VPS13B: variants seen among roughly 807,000 people sequenced by gnomAD.
VPS13B encodes the protein intermembrane lipid transfer protein VPS13B.
Under a neutral mutation model 426.4 loss-of-function variants are expected in VPS13B, and 285 were observed. The observed-to-expected ratio is 0.67, with a 90% CI of 0.61 to 0.74. VPS13B has a LOEUF of 0.74. VPS13B is among the 30% of genes least tolerant of loss of function. VPS13B has a pLI of 0.00. For synonymous variants in VPS13B, 1,676 were observed against 1,676.4 expected, an observed-to-expected ratio of 1.00 and a Z score of 0.01; for missense variants, 4,537 against 4,782.6, an observed-to-expected ratio of 0.95 and a Z score of 1.51.
intron 31 of VPS13B, among the ~76,000 whole-genome samples, chr8:99,563,568 G>T (rs747235736): frequency 6.6e-6 from 1 of 152,166 alleles, no homozygotes; most frequent in Non-Finnish European, 1.5e-5. Flanking sequence ...TATCGGTGGG[G>T]TTTCAGAGAA....
intron 35 of VPS13B, among the ~76,000 whole-genome samples, chr8:99,695,271 C>G (rs1831912234): frequency 6.8e-6 from 1 of 148,114 alleles, no homozygotes; most frequent in Non-Finnish European, 1.5e-5. Context: ...CGGCATTATT[C>G]ACAATAGCAA....
chr8:99,278,643 T>C (rs1295289201), intron 19 of VPS13B, among the ~76,000 whole-genome samples: 1 of 152,204 alleles, frequency 6.6e-6, no homozygotes, highest in Non-Finnish European at 1.5e-5. Context: ...GTTGGGCTGT[T>C]TATCATTTTC....
chr8:99,685,371 A>T (rs1249921237), intron 35 of VPS13B, among the ~76,000 whole-genome samples: 2 of 152,226 alleles, frequency 1.3e-5, no homozygotes. Flanking sequence ...AGGGTCTCAC[A>T]AAGCCAAAAT....
At chr8:99,273,792 CA>C (rs533708072) in intron 17 of VPS13B, among the ~76,000 whole-genome samples, 2 of 144,444 alleles carry the variant, frequency 1.4e-5, no homozygotes, top group Non-Finnish European at 3.0e-5. Flanking sequence ...GACTCTGTCT[CA>C]AAAAAAAATA....
At position 99,817,406 on chromosome 8, in the gene VPS13B, C is replaced by T; in HGVS notation, c.8098-134C>T. On this transcript the variant is annotated intron_variant, in intron 44 of 61. Coordinates refer to ENST00000357162, the MANE Select transcript of VPS13B (RefSeq NM_152564.5). ...TCTTGACTTCAAGTCTTTTTTCCTT[C>T]TTGTACTGTTTAAGCTAATTACTTC... 6 of 1,210,218 alleles carry T rather than the reference C, an allele frequency of 5.0e-6. No individual in the cohort carries two copies. In the Admixed American group the frequency reaches 9.5e-5, roughly 19 times the overall value. The allele number at this position is 1,210,218 out of a possible 1,614,324, so 75.0% of individuals were successfully genotyped here.
chr8:99,216,868 G>GA (rs1172246511), intron 17 of VPS13B, among the ~76,000 whole-genome samples: 4 of 151,978 alleles, frequency 2.6e-5, no homozygotes, highest in Non-Finnish European at 5.9e-5. Context: ...GTTAGTACAA[G>GA]ATTTTAAGTG....
chr8:99,141,819 C>T (rs530592253), intron 12 of VPS13B, among the ~76,000 whole-genome samples: 17 of 145,926 alleles, frequency 1.2e-4, no homozygotes, highest in East Asian at 4.0e-4. Context: ...CCGAGGTGGG[C>T]GGATCATGAG....
At chr8:99,607,852 AAC>A (rs1402955773) in intron 33 of VPS13B, among the ~76,000 whole-genome samples, 1 of 152,148 alleles carries the variant, frequency 6.6e-6, no homozygotes, top group Non-Finnish European at 1.5e-5. Flanking sequence ...AAACATAAAT[AAC>A]AGTCATATTT....
intron 21 of VPS13B, among the ~76,000 whole-genome samples, chr8:99,418,520 CTT>C (rs1588353536): frequency 2.5e-5 from 3 of 121,766 alleles, no homozygotes; most frequent in Non-Finnish European, 3.5e-5. Flanking sequence ...TCTTTCCTTT[CTT>C]TCTTTCTCTT....
At chr8:99,132,436 C>G (rs948607401) in intron 8 of VPS13B, among the ~76,000 whole-genome samples, 11 of 152,266 alleles carry the variant, frequency 7.2e-5, no homozygotes, top group African/African-American at 2.6e-4. Context: ...CCACCTAAGT[C>G]TTGAATACCT....
At chr8:99,585,557 A>C (rs975348756) in intron 33 of VPS13B, among the ~76,000 whole-genome samples, 1 of 152,190 alleles carries the variant, frequency 6.6e-6, no homozygotes, top group Non-Finnish European at 1.5e-5. Flanking sequence ...GTAAAGCACT[A>C]TATCGGTAGA....
intron 31 of VPS13B, among the ~76,000 whole-genome samples, chr8:99,573,855 A>T (rs1825618835): frequency 6.6e-6 from 1 of 152,146 alleles, no homozygotes; most frequent in Non-Finnish European, 1.5e-5. Flanking sequence ...TGGTAGCTTG[A>T]TGGGGATGGC....
At chr8:99,417,530 T>C (rs1816091068) in intron 21 of VPS13B, among the ~76,000 whole-genome samples, 1 of 152,188 alleles carries the variant, frequency 6.6e-6, no homozygotes, top group Non-Finnish European at 1.5e-5. Flanking sequence ...TTAGCTCATT[T>C]ACTCCCCTGT....
intron 17 of VPS13B, among the ~76,000 whole-genome samples, chr8:99,204,955 C>T (rs1325734346): frequency 6.6e-6 from 1 of 152,158 alleles, no homozygotes; most frequent in Admixed American, 6.5e-5. Context: ...GGCAATTCCT[C>T]AAGGATCTAG....
intron 19 of VPS13B, among the ~76,000 whole-genome samples, chr8:99,298,281 G>C (rs1467871500): frequency 2.0e-5 from 3 of 152,130 alleles, no homozygotes; most frequent in Admixed American, 6.5e-5. Flanking sequence ...CTGAGGTCAG[G>C]AGTTCGAGAC....
rs553662510 is a variant in VPS13B at position 99,294,607 on chromosome 8, G to T, written c.2824+19353G>T. ...GCATGGAGTGATATGGCATAGCTAA[G>T]ACAAGATCCCTGTTATATGAAGGAA... On this transcript the variant is annotated intron_variant, in intron 19 of 61. Transcript: ENST00000357162. Among the ~76,000 whole-genome samples, 13 of 151,980 alleles carry T rather than the reference G, an allele frequency of 8.6e-5. No individual in the cohort carries two copies. In the East Asian group the frequency reaches 2.3e-3, roughly 27 times the overall value.
In VPS13B at chr8:99,565,910, T is replaced by C. The variant is rs540215703; in HGVS notation, c.4949+9257T>C. 3.9e-5 allele frequency among the ~76,000 whole-genome samples: 6 copies of C among 152,312 alleles called. No homozygotes were observed. The South Asian group carries it at 1.2e-3, about 32-fold the overall frequency. On this transcript the variant is annotated intron_variant, in intron 31 of 61. Coordinates refer to ENST00000357162, the MANE Select transcript of VPS13B (RefSeq NM_152564.5). ...AAATCTAATTCTCATACTTTGTAGG[T>C]TAATGCCTAGATTGACCTAAACCTA...
At chr8:99,617,355 G>A (rs1189334459) in intron 33 of VPS13B, among the ~76,000 whole-genome samples, 1 of 152,180 alleles carries the variant, frequency 6.6e-6, no homozygotes, top group South Asian at 2.1e-4. Flanking sequence ...TTGAGACGGA[G>A]ACAGGCTCTG....
chr8:99,139,629 G>A (rs969952906), intron 12 of VPS13B, among the ~76,000 whole-genome samples: 1 of 151,824 alleles, frequency 6.6e-6, no homozygotes, highest in African/African-American at 2.4e-5. Flanking sequence ...AATAGAGACA[G>A]GGTTTCACCA....
Sources: gnomAD v4.1 joint callset for allele counts (sites outside exome capture counted in the v4.1 genomes callset) on GRCh38, gnomAD v4.1.1 for gene constraint, MANE v1.5 for transcripts, NCBI Gene and HGNC (gene_info 2026-07-23, HGNC 2026-07-21) for gene names.